Variants in SLIT3 observed in about 807,000 individuals in gnomAD.
The protein encoded by SLIT3 is slit guidance ligand 3, also known as slit homolog 3 protein.
In SLIT3, 68 loss-of-function variants were observed where a neutral mutation model predicts 184.0. That is an observed-to-expected ratio of 0.37 (90% CI 0.30 to 0.45). The LOEUF (loss-of-function observed/expected upper bound fraction) is 0.45. Ranked by LOEUF, SLIT3 falls within the 20% of genes least tolerant of loss-of-function variation. The pLI, the probability that SLIT3 is intolerant of heterozygous loss-of-function variation, is 1.00. For synonymous variants in SLIT3, 831 were observed against 828.6 expected, an observed-to-expected ratio of 1.00 and a Z score of -0.05; for missense variants, 1,707 against 2,026.0, an observed-to-expected ratio of 0.84 and a Z score of 3.02.
chr5:168,740,255 C>T (rs1056830931), intron 20 of SLIT3, among the ~76,000 whole-genome samples: 1 of 152,102 alleles, frequency 6.6e-6, no homozygotes, highest in Non-Finnish European at 1.5e-5. Context: ...CTCAGTTTGG[C>T]TTGACTCACC....
At chr5:169,109,775 A>G (rs942699295) in intron 4 of SLIT3, among the ~76,000 whole-genome samples, 1 of 152,086 alleles carries the variant, frequency 6.6e-6, no homozygotes, top group African/African-American at 2.4e-5. Flanking sequence ...TTTTGATGCT[A>G]TGTTGTCCCT....
At chr5:168,946,695 G>A (rs190449012) in intron 4 of SLIT3, among the ~76,000 whole-genome samples, 2 of 152,214 alleles carry the variant, frequency 1.3e-5, no homozygotes, top group African/African-American at 2.4e-5. Context: ...TCCCCTCTGC[G>A]GCCTGCCTGG....
chr5:168,828,732 T>C (rs964528149), intron 6 of SLIT3, among the ~76,000 whole-genome samples: 7 of 150,746 alleles, frequency 4.6e-5, no homozygotes, highest in African/African-American at 1.5e-4. Context: ...ATGTTAGAAA[T>C]GCATATGCTC....
chr5:168,788,792 T>C (rs1261384264), intron 11 of SLIT3, among the ~76,000 whole-genome samples: 1 of 152,176 alleles, frequency 6.6e-6, no homozygotes, highest in East Asian at 1.9e-4. Context: ...CCTAGAACAG[T>C]ACCTGGTACC....
intron 1 of SLIT3, among the ~76,000 whole-genome samples, chr5:169,294,664 G>C (rs758675626): frequency 1.3e-5 from 2 of 152,198 alleles, no homozygotes; most frequent in African/African-American, 4.8e-5. Context: ...TCCTATGGTG[G>C]GGTCATGCAT....
chr5:169,032,922 ATTTTTT>A (rs199911562), intron 4 of SLIT3, among the ~76,000 whole-genome samples: 2 of 88,132 alleles, frequency 2.3e-5, no homozygotes, highest in Non-Finnish European at 2.4e-5. Flanking sequence ...TTTTTCCTTG[ATTTTTT>A]TTTTTTTTTT....
intron 11 of SLIT3, among the ~76,000 whole-genome samples, chr5:168,787,747 G>A (rs1025155436): frequency 4.6e-5 from 7 of 152,048 alleles, no homozygotes; most frequent in African/African-American, 1.7e-4. Context: ...CAAAATAGAA[G>A]AGTCTAGCAC....
chr5:168,905,619 T>A (rs768476815), intron 4 of SLIT3, among the ~76,000 whole-genome samples: 1 of 152,180 alleles, frequency 6.6e-6, no homozygotes, highest in Non-Finnish European at 1.5e-5. Context: ...GGTACTGCTA[T>A]TCTGGTTTTA....
intron 4 of SLIT3, among the ~76,000 whole-genome samples, chr5:169,128,019 T>G (rs947932370): frequency 3.3e-5 from 5 of 152,014 alleles, no homozygotes; most frequent in African/African-American, 1.2e-4. Flanking sequence ...ACTTACCAAA[T>G]GTACCATAGA....
intron 28 of SLIT3, 86 bp downstream of exon 28, chr5:168,696,206 G>A (rs1372664997): frequency 6.7e-7 from 1 of 1,500,108 alleles, no homozygotes; most frequent in East Asian, 2.3e-5. Flanking sequence ...AGGGAGAGAG[G>A]AAGAGAGTCC....
chr5:169,149,247 T>G (rs1561698141), intron 4 of SLIT3, among the ~76,000 whole-genome samples: 1 of 152,180 alleles, frequency 6.6e-6, no homozygotes, highest in Non-Finnish European at 1.5e-5. Context: ...AAAGGCATTT[T>G]GTAGTCAATG....
chr5:168,834,686 C>CA (rs540528948), intron 6 of SLIT3, among the ~76,000 whole-genome samples: 421 of 37,416 alleles, frequency 0.011, 112 homozygotes, highest in South Asian at 0.016. Flanking sequence ...GACTCTGTCT[C>CA]AAAAAAAAAA....
At chr5:169,033,546 T>G (rs942120024) in intron 4 of SLIT3, among the ~76,000 whole-genome samples, 3 of 152,208 alleles carry the variant, frequency 2.0e-5, no homozygotes, top group East Asian at 1.9e-4. Context: ...TGGACCAATC[T>G]ACATTCCCAG....
At chr5:169,096,702 T>C (rs902423894) in intron 4 of SLIT3, among the ~76,000 whole-genome samples, 1 of 152,206 alleles carries the variant, frequency 6.6e-6, no homozygotes, top group Non-Finnish European at 1.5e-5. Flanking sequence ...CTGATATATA[T>C]TGAGCCAGTG....
chr5:169,007,491 A>G (rs886418445), intron 4 of SLIT3, among the ~76,000 whole-genome samples: 2 of 152,216 alleles, frequency 1.3e-5, no homozygotes, highest in African/African-American at 4.8e-5. Context: ...TAGATGTTAA[A>G]ATAAGATTAG....
chr5:168,913,488 C>G (rs981722508), intron 4 of SLIT3, among the ~76,000 whole-genome samples: 1 of 152,276 alleles, frequency 6.6e-6, no homozygotes, highest in South Asian at 2.1e-4. Flanking sequence ...AATAATCTGG[C>G]TGGGCATAGT....
intron 4 of SLIT3, among the ~76,000 whole-genome samples, chr5:169,015,960 A>C (rs200963954): frequency 0.014 from 1,967 of 142,982 alleles, 102 homozygotes; most frequent in East Asian, 0.1. Flanking sequence ...ACACACACAC[A>C]CACACACACA....
chr5:168,706,738 C>T (rs1281226652), intron 26 of SLIT3: 1 of 152,134 alleles, frequency 6.6e-6, no homozygotes, highest in Non-Finnish European at 1.5e-5. Context: ...GCTCTCTTGT[C>T]CCAGGCCCAT....
chr5:169,097,625 T>G (rs1261850642), intron 4 of SLIT3, among the ~76,000 whole-genome samples: 1 of 150,516 alleles, frequency 6.6e-6, no homozygotes, highest in Non-Finnish European at 1.5e-5. Flanking sequence ...CTACGAAGAG[T>G]AGTTACACGA....
Sources: gnomAD v4.1 joint callset for allele counts (sites outside exome capture counted in the v4.1 genomes callset) on GRCh38, gnomAD v4.1.1 for gene constraint, MANE v1.5 for transcripts, NCBI Gene and HGNC (gene_info 2026-07-23, HGNC 2026-07-21) for gene names.